The following GPHN variants were observed in gnomAD, a reference collection of about 807,000 sequenced individuals.
GPHN encodes gephyrin.
In GPHN, 17 loss-of-function variants were observed where a neutral mutation model predicts 95.5. The ratio of observed to expected loss-of-function variants is 0.18; its 90% confidence interval spans 0.12 to 0.27. GPHN has a LOEUF of 0.27. Ranked by LOEUF, GPHN falls within the 10% of genes least tolerant of loss-of-function variation. GPHN has a pLI of 1.00. For missense variants in GPHN, 660 were observed against 978.1 expected, an observed-to-expected ratio of 0.67 and a Z score of 4.34; for synonymous variants, 320 against 322.5, an observed-to-expected ratio of 0.99 and a Z score of 0.08.
chr14:66,900,925 G>A (rs2065097906), intron 5 of GPHN, among the ~76,000 whole-genome samples: 4 of 151,822 alleles, frequency 2.6e-5, no homozygotes, highest in South Asian at 4.1e-4. Flanking sequence ...TTGCTGGATC[G>A]TATGGTAATT....
chr14:66,513,563 G>C (rs777317257), intron 1 of GPHN, among the ~76,000 whole-genome samples: 3 of 151,588 alleles, frequency 2.0e-5, no homozygotes, highest in Non-Finnish European at 4.4e-5. Context: ...AATTTGAAAG[G>C]TATTAAAAAA....
At chr14:67,621,549 G>A in the GPHN span, among the ~76,000 whole-genome samples, 5 of 151,576 alleles carry the variant, frequency 3.3e-5, no homozygotes, top group South Asian at 1.0e-3. Flanking sequence ...TCCACCTTCT[G>A]GGTTCAAGCA....
chr14:66,577,102 C>T (rs1252822790), intron 1 of GPHN, among the ~76,000 whole-genome samples: 1 of 152,084 alleles, frequency 6.6e-6, no homozygotes, highest in Non-Finnish European at 1.5e-5. Flanking sequence ...TGTTGACTGA[C>T]GATTCTGATT....
At chr14:66,749,741 A>G (rs1225010611) in intron 2 of GPHN, among the ~76,000 whole-genome samples, 2 of 151,934 alleles carry the variant, frequency 1.3e-5, no homozygotes, top group South Asian at 4.1e-4. Context: ...ATTTTGTATA[A>G]CAATTCATTA....
intron 16 of GPHN, among the ~76,000 whole-genome samples, chr14:67,113,670 CCT>C (rs139093135): frequency 6.7e-6 from 1 of 149,632 alleles, no homozygotes; most frequent in Non-Finnish European, 1.5e-5. Flanking sequence ...TTTTTTTTTT[CCT>C]CTCTCTCTCC....
chr14:67,220,689 G>C, the GPHN span, among the ~76,000 whole-genome samples: 1 of 152,162 alleles, frequency 6.6e-6, no homozygotes, highest in African/African-American at 2.4e-5. Context: ...AAAGAGGATA[G>C]TGGCAGGCTT....
At chr14:67,178,022 C>A (rs1253723826) in intron 21 of GPHN, among the ~76,000 whole-genome samples, 1 of 152,146 alleles carries the variant, frequency 6.6e-6, no homozygotes, top group Non-Finnish European at 1.5e-5. Flanking sequence ...TCCAATTTGC[C>A]AGTCTGTATC....
At chr14:67,320,894 CAA>C in the GPHN span, among the ~76,000 whole-genome samples, 1 of 151,986 alleles carries the variant, frequency 6.6e-6, no homozygotes, top group Non-Finnish European at 1.5e-5. Context: ...TTTCAATCTA[CAA>C]AAAATAAAAA....
intron 4 of GPHN, among the ~76,000 whole-genome samples, chr14:66,871,997 C>A (rs141901805): frequency 6.6e-6 from 1 of 152,042 alleles, no homozygotes; most frequent in Non-Finnish European, 1.5e-5. Flanking sequence ...AAAGTCCTTA[C>A]GTTTTTGTTA....
intron 1 of GPHN, among the ~76,000 whole-genome samples, chr14:66,542,570 T>G (rs2059392963): frequency 1.3e-5 from 2 of 152,212 alleles, no homozygotes; most frequent in Non-Finnish European, 2.9e-5. Flanking sequence ...TCCTAATGGC[T>G]TCTTAGGGAC....
chr14:66,535,048 C>A (rs527520312), intron 1 of GPHN, among the ~76,000 whole-genome samples: 152 of 152,120 alleles, frequency 1.0e-3, no homozygotes, highest in African/African-American at 3.5e-3. Context: ...TTTAAGAAAT[C>A]TTTGCCTATT....
At chr14:66,893,838 A>G (rs1033704718) in intron 5 of GPHN, among the ~76,000 whole-genome samples, 2 of 152,234 alleles carry the variant, frequency 1.3e-5, no homozygotes, top group African/African-American at 4.8e-5. Context: ...GGAGAACTAC[A>G]AATTACTGCT....
chr14:66,795,335 A>C (rs1406609986), intron 3 of GPHN, among the ~76,000 whole-genome samples: 2 of 152,134 alleles, frequency 1.3e-5, no homozygotes, highest in Admixed American at 1.3e-4. Context: ...TAAATTTTAA[A>C]TGTAAATGAC....
At chr14:67,528,437 TA>T in the GPHN span, among the ~76,000 whole-genome samples, 2 of 152,190 alleles carry the variant, frequency 1.3e-5, no homozygotes, top group Non-Finnish European at 2.9e-5. Context: ...GCCACCTACT[TA>T]AAGCTGGTCC....
At position 66,838,446 on chromosome 14, in the gene GPHN, T is replaced by C. The variant is rs942616759; in HGVS notation, c.294+13880T>C. On this transcript the variant is annotated intron_variant, in intron 4 of 22. Transcript: ENST00000478722. ...AGTTGCAGAAAAGGAAAAAGAAATA[T>C]CAAAGAAGACATGTTAAATCCTTGT... Among the ~76,000 whole-genome samples, 3 of 152,042 alleles carry C rather than the reference T, an allele frequency of 2.0e-5. No individual in the cohort carries two copies. The East Asian group carries it at 5.8e-4, about 29-fold the overall frequency.
At chr14:67,038,360 T>A (rs1300031451) in intron 10 of GPHN, among the ~76,000 whole-genome samples, 2 of 152,248 alleles carry the variant, frequency 1.3e-5, no homozygotes, top group East Asian at 1.9e-4. Flanking sequence ...GAGAAAGTTC[T>A]AGCAATCAGT....
the GPHN span, among the ~76,000 whole-genome samples, chr14:67,432,823 C>A: frequency 6.6e-6 from 1 of 152,010 alleles, no homozygotes; most frequent in East Asian, 1.9e-4. Context: ...GGCATCACTC[C>A]AATCTCTGTT....
chr14:67,458,782 C>G, the GPHN span, among the ~76,000 whole-genome samples: 1 of 152,202 alleles, frequency 6.6e-6, no homozygotes, highest in East Asian at 1.9e-4. Flanking sequence ...AGTGCAGTGG[C>G]CTGATCTTGG....
intron 2 of GPHN, among the ~76,000 whole-genome samples, chr14:66,730,920 C>T (rs1165908034): frequency 6.6e-6 from 1 of 152,154 alleles, no homozygotes; most frequent in Non-Finnish European, 1.5e-5. Context: ...GACCTGTAAT[C>T]TTCATGTGTC....
Sources: allele counts gnomAD v4.1 joint callset (sites outside exome capture counted in the v4.1 genomes callset), GRCh38; gene constraint gnomAD v4.1.1; transcripts MANE v1.5; gene names NCBI Gene and HGNC (gene_info 2026-07-23, HGNC 2026-07-21).